MTX2: variants seen among roughly 807,000 people sequenced by gnomAD.
MTX2 encodes metaxin-2.
A neutral mutation model predicts 42.3 loss-of-function variants in MTX2; 35 were observed. The ratio of observed to expected loss-of-function variants is 0.83; its 90% CI spans 0.63 to 1.10. The LOEUF is 1.10. Ranked by LOEUF, MTX2 falls within the 50% of genes least tolerant of loss-of-function variation. The probability of loss-of-function intolerance (pLI) is 0.00; values close to 1 mark genes in which losing one functional copy is unlikely to be tolerated. For missense variants in MTX2, 307 were observed against 304.1 expected (o/e 1.01, Z -0.07); for synonymous variants, 119 against 100.9 (o/e 1.18, Z -1.08).
In MTX2 at chr2:176,309,866, A is replaced by G. The variant is rs551144911; in HGVS notation, c.135+11971A>G. Among the ~76,000 whole-genome samples the G allele has an allele frequency of 7.7e-3, 1,177 of 151,928 alleles. 17 individuals are homozygous for G. Among genetic ancestry groups the G allele is most frequent in the African/African-American group, 0.027 (1,139 of 41,436 alleles). ...GTCTTGACTCTTTATCCAATTTGCC[A>G]GTCTGTGTCTTTTAATTGGGGCATT... On this transcript the variant is annotated intron_variant, in intron 3 of 9. Coordinates refer to ENST00000249442, the MANE Select transcript of MTX2 (RefSeq NM_006554.5).
intron 3 of MTX2, among the ~76,000 whole-genome samples, chr2:176,319,467 A>G (rs114618124): frequency 0.014 from 1,965 of 144,690 alleles, 38 homozygotes; most frequent in African/African-American, 0.048. Flanking sequence ...TTGCGTGATC[A>G]TAGCTTACCT....
chr2:176,305,591 T>G (rs935435046), intron 3 of MTX2, among the ~76,000 whole-genome samples: 2 of 152,128 alleles, frequency 1.3e-5, no homozygotes, highest in African/African-American at 4.8e-5. Flanking sequence ...ATCCGTTCAT[T>G]TATTGGTTTT....
chr2:176,297,340 A>G (rs753869372), intron 2 of MTX2, among the ~76,000 whole-genome samples: 1 of 152,152 alleles, frequency 6.6e-6, no homozygotes, highest in Non-Finnish European at 1.5e-5. Context: ...TTTGGGGCTT[A>G]GCAGCCTGCT....
intron 1 of MTX2, among the ~76,000 whole-genome samples, chr2:176,279,937 A>G (rs1233381427): frequency 6.6e-6 from 1 of 152,184 alleles, no homozygotes; most frequent in Non-Finnish European, 1.5e-5. Context: ...TGCTTTCATT[A>G]TTTACTGTTT....
chr2:176,312,750 C>T (rs900268060), intron 3 of MTX2, among the ~76,000 whole-genome samples: 12 of 150,980 alleles, frequency 7.9e-5, no homozygotes, highest in African/African-American at 2.9e-4. Flanking sequence ...GTAATCCCAG[C>T]TACTCGTGAG....
intron 3 of MTX2, among the ~76,000 whole-genome samples, chr2:176,306,916 A>G (rs1278872284): frequency 6.6e-6 from 1 of 151,938 alleles, no homozygotes; most frequent in Non-Finnish European, 1.5e-5. Context: ...GTTTAATTAG[A>G]TCCCATTTGC....
intron 1 of MTX2, among the ~76,000 whole-genome samples, chr2:176,289,637 C>A (rs1693282016): frequency 6.6e-6 from 1 of 151,926 alleles, no homozygotes; most frequent in Admixed American, 6.6e-5. Flanking sequence ...TTAGAGAATA[C>A]TATTAGAATA....
chr2:176,286,748 C>T (rs2105403833), intron 1 of MTX2, among the ~76,000 whole-genome samples: 1 of 152,100 alleles, frequency 6.6e-6, no homozygotes, highest in African/African-American at 2.4e-5. Flanking sequence ...GAGGTTTCAC[C>T]ATGTTGGCCA....
chr2:176,320,749 C>T (rs1260766066), intron 3 of MTX2, among the ~76,000 whole-genome samples: 1 of 148,026 alleles, frequency 6.8e-6, no homozygotes, highest in African/African-American at 2.5e-5. Context: ...GGCTGGAGTG[C>T]AGTGGTGTGA....
At chr2:176,322,234 G>A (rs765377215) in intron 3 of MTX2, among the ~76,000 whole-genome samples, 7 of 152,050 alleles carry the variant, frequency 4.6e-5, no homozygotes, top group Non-Finnish European at 1.0e-4. Flanking sequence ...ATTAATCACT[G>A]TTTTGTACCC....
At position 176,269,466 on chromosome 2, in the gene MTX2, C is replaced by A. The variant is rs1026908183; in HGVS notation, c.-164C>A. The A allele has an allele frequency of 9.6e-6, 7 of 730,066 alleles. No individual in the cohort carries two copies. The highest frequency in any genetic ancestry group is 7.5e-5 in the African/African-American group (4 of 53,222). The allele number at this position is 730,066 out of a possible 1,614,324, so 45.2% of individuals were successfully genotyped here. The stretch of plus-strand genomic sequence containing the variant: ...AGTCCCTAGCCAGGCCTGGCGGTAA[C>A]CTTGGGGGCCTCACTGCAGCCGCCG... On this transcript the variant is annotated 5_prime_UTR_variant, in exon 1 of 10. Transcript: ENST00000249442.
At chr2:176,311,319 C>G (rs1684298328) in intron 3 of MTX2, among the ~76,000 whole-genome samples, 1 of 152,126 alleles carries the variant, frequency 6.6e-6, no homozygotes, top group Non-Finnish European at 1.5e-5. Context: ...TCTTTCGGCC[C>G]TTACTGGGAG....
rs1189313775 is a variant in MTX2, at chr2:176,325,891, T to G, written c.209-934T>G. 2.0e-5 allele frequency among the ~76,000 whole-genome samples: 3 copies of G among 151,886 alleles called. No homozygotes were observed. The East Asian group carries it at 5.8e-4, about 29-fold the overall frequency. ...CAAAAGGCCTGCCTTTTCTTTGTAA[T>G]GCATGTTGTCCTATGGATGCAGTTG... On this transcript the variant is annotated intron_variant, in intron 4 of 9. Coordinates refer to ENST00000249442, the MANE Select transcript of MTX2 (RefSeq NM_006554.5).
At chr2:176,290,057 A>G (rs1440796296) in intron 1 of MTX2, among the ~76,000 whole-genome samples, 1 of 152,154 alleles carries the variant, frequency 6.6e-6, no homozygotes, top group Non-Finnish European at 1.5e-5. Flanking sequence ...TATGGACAGT[A>G]TAGATAAAGG....
At chr2:176,270,254 T>G (rs1692773624) in intron 1 of MTX2, 1 of 877,904 alleles carries the variant, frequency 1.1e-6, no homozygotes, top group Non-Finnish European at 1.5e-6. Flanking sequence ...CACTGCAACC[T>G]CCGCTTCCCG....
intron 3 of MTX2, among the ~76,000 whole-genome samples, chr2:176,322,339 A>G (rs1323318692): frequency 6.6e-6 from 1 of 152,028 alleles, no homozygotes; most frequent in Non-Finnish European, 1.5e-5. Context: ...TAAAATGATA[A>G]ATAATATCCT....
At chr2:176,300,956 A>G (rs748250652) in intron 3 of MTX2, among the ~76,000 whole-genome samples, 2 of 152,156 alleles carry the variant, frequency 1.3e-5, no homozygotes, top group Non-Finnish European at 2.9e-5. Context: ...ATTCAATGTT[A>G]GTAAGAGGAA....
chr2:176,320,395 ATAT>A (rs1473559045), intron 3 of MTX2, among the ~76,000 whole-genome samples: 3 of 152,288 alleles, frequency 2.0e-5, no homozygotes, highest in African/African-American at 7.2e-5. Flanking sequence ...ATTTTATACA[ATAT>A]TATTATTAAC....
Position 176,328,967 on chromosome 2 carries a change from G to T in MTX2, c.417+55G>T, listed in dbSNP as rs1684788183. ...TAAAATTTAATGAGAAAACACTTTT[G>T]CTCAGAATCGCAAGTCCCTGCTCAT... On this transcript the variant is annotated intron_variant, in intron 7 of 9. Coordinates refer to ENST00000249442, the MANE Select transcript of MTX2 (RefSeq NM_006554.5). The T allele has an allele frequency of 7.7e-6, 11 of 1,432,496 alleles. No homozygotes were observed. The East Asian group carries it at 9.2e-5, about 12-fold the overall frequency. 88.7% of individuals were successfully genotyped at this position (1,432,496 alleles called of 1,614,324 possible).
Sources: allele counts gnomAD v4.1 joint callset (sites outside exome capture counted in the v4.1 genomes callset), GRCh38; gene constraint gnomAD v4.1.1; transcripts MANE v1.5; gene names NCBI Gene and HGNC (gene_info 2026-07-23, HGNC 2026-07-21).